The following PARVB variants were observed in gnomAD, a reference collection of about 807,000 sequenced individuals.
The protein encoded by PARVB is parvin beta.
A neutral mutation model predicts 47.0 loss-of-function variants in PARVB; 46 were observed. The observed-to-expected ratio is 0.98, with a 90% CI of 0.77 to 1.25. The LOEUF is 1.25. Among genes scored for constraint, PARVB ranks in the 50% most tolerant of loss-of-function variants. The pLI is 0.00. For missense variants in PARVB, 473 were observed against 471.6 expected (o/e 1.00, Z -0.03); for synonymous variants, 196 against 196.3 (o/e 1.00, Z 0.01).
intron 12 of PARVB, among the ~76,000 whole-genome samples, chr22:44,167,111 T>TG (rs1457340474): frequency 6.6e-6 from 1 of 152,134 alleles, no homozygotes; most frequent in African/African-American, 2.4e-5. Context: ...CCCCCAGCAA[T>TG]GATGGGCATC....
chr22:44,106,173 C>T (rs1415989223), intron 3 of PARVB: 1 of 143,494 alleles, frequency 7.0e-6, no homozygotes, highest in Non-Finnish European at 1.5e-5. Context: ...TTTGCTCTAC[C>T]CCAAACCTGT....
chr22:44,161,841 C>A (rs1247542081), intron 11 of PARVB, among the ~76,000 whole-genome samples: 2 of 152,218 alleles, frequency 1.3e-5, no homozygotes, highest in African/African-American at 4.8e-5. Flanking sequence ...CACTCCTCCC[C>A]CATTGCCAGT....
intron 2 of PARVB, among the ~76,000 whole-genome samples, chr22:44,011,559 A>C (rs2050523598): frequency 6.6e-6 from 1 of 152,138 alleles, no homozygotes; most frequent in Non-Finnish European, 1.5e-5. Context: ...TGGGAGGCAG[A>C]GGTTGCAGTG....
chr22:44,024,547 C>G (rs949169314), intron 1 of PARVB, 96 bp downstream of exon 1: 67 of 472,218 alleles, frequency 1.4e-4, no homozygotes, highest in African/African-American at 1.3e-3. Context: ...CGCCCTCCCC[C>G]ACGCACCCCG....
At chr22:44,122,863 C>T (rs1457192789) in intron 4 of PARVB, among the ~76,000 whole-genome samples, 1 of 152,218 alleles carries the variant, frequency 6.6e-6, no homozygotes, top group Non-Finnish European at 1.5e-5. Flanking sequence ...TTGTACTCCA[C>T]TGTGTGGATG....
intron 1 of PARVB, among the ~76,000 whole-genome samples, chr22:44,073,410 C>T (rs1183010527): frequency 2.0e-5 from 3 of 152,222 alleles, no homozygotes; most frequent in East Asian, 3.9e-4. Context: ...AGGAGAATCA[C>T]TTGAACCCAG....
chr22:44,157,569 A>T (rs978088688), intron 10 of PARVB, among the ~76,000 whole-genome samples: 15 of 152,008 alleles, frequency 9.9e-5, no homozygotes, highest in African/African-American at 3.4e-4. Flanking sequence ...GAGAGGAGGG[A>T]TGGATTGCTT....
intron 1 of PARVB, among the ~76,000 whole-genome samples, chr22:44,071,278 C>T (rs1299399849): frequency 6.6e-6 from 1 of 152,242 alleles, no homozygotes; most frequent in African/African-American, 2.4e-5. Context: ...GACCTGTGAA[C>T]GTCTAAACTG....
At chr22:44,160,624 A>G (rs1813896219) in intron 11 of PARVB, among the ~76,000 whole-genome samples, 1 of 152,172 alleles carries the variant, frequency 6.6e-6, no homozygotes, top group African/African-American at 2.4e-5. Flanking sequence ...TCTGCCTGGC[A>G]TGAAAGAGGG....
chr22:44,027,914 C>CATATATATATATAT (rs3083338), intron 1 of PARVB, among the ~76,000 whole-genome samples: 161 of 133,218 alleles, frequency 1.2e-3, no homozygotes, highest in African/African-American at 3.7e-3. Flanking sequence ...AAAAAAAAAC[C>CATATATATATATAT]ATATATATAT....
intron 8 of PARVB, 38 bp from the exon 9 acceptor site, chr22:44,147,823 A>T: frequency 6.2e-7 from 1 of 1,600,854 alleles, no homozygotes; most frequent in Non-Finnish European, 8.6e-7. Context: ...ACGGGTTTCC[A>T]TAAACGCTCC....
intron 1 of PARVB, among the ~76,000 whole-genome samples, chr22:44,071,594 A>G (rs1475711447): frequency 6.6e-6 from 1 of 152,030 alleles, no homozygotes; most frequent in Non-Finnish European, 1.5e-5. Flanking sequence ...CCTCCCAGCC[A>G]CCACCTATGC....
At chr22:44,043,713 G>A (rs1258979510) in intron 1 of PARVB, among the ~76,000 whole-genome samples, 2 of 152,122 alleles carry the variant, frequency 1.3e-5, no homozygotes, top group Non-Finnish European at 2.9e-5. Context: ...TGTATGGAAT[G>A]TGAATTCTGT....
At chr22:44,166,116 C>T (rs1020998856) in intron 12 of PARVB, among the ~76,000 whole-genome samples, 46 of 151,770 alleles carry the variant, frequency 3.0e-4, no homozygotes, top group Non-Finnish European at 6.2e-4. Context: ...GAACCCACGA[C>T]TTTTTTTTTC....
At chr22:44,135,598 G>A (rs888494875) in intron 6 of PARVB, among the ~76,000 whole-genome samples, 1 of 152,156 alleles carries the variant, frequency 6.6e-6, no homozygotes, top group Non-Finnish European at 1.5e-5. Flanking sequence ...GGAGAAGTGT[G>A]ACATATACTG....
intron 3 of PARVB, chr22:44,105,964 G>A (rs1349453606): frequency 6.6e-6 from 1 of 152,194 alleles, no homozygotes; most frequent in South Asian, 2.1e-4. Flanking sequence ...AAGTAAATGG[G>A]ATTATAGGTA....
At chr22:44,134,620 C>T (rs1007851823) in intron 6 of PARVB, among the ~76,000 whole-genome samples, 11 of 152,126 alleles carry the variant, frequency 7.2e-5, no homozygotes, top group South Asian at 4.1e-4. Flanking sequence ...GTGAACCGGG[C>T]GCAGTTACTC....
In PARVB at chr22:44,168,797, T is replaced by A; in HGVS notation, c.*119T>A. On this transcript the variant is annotated 3_prime_UTR_variant, in exon 13 of 13. Transcript: ENST00000338758. ...CTTCTGGTCCAAGCTGTGTTGACTG[T>A]CATCCCCACCCCACCCCTACCTCAC... 1 of 680,538 alleles carries A rather than the reference T, an allele frequency of 1.5e-6. No homozygotes were observed. The highest frequency in any genetic ancestry group is 2.6e-6 in the Non-Finnish European group (1 of 378,436). The allele number at this position is 680,538 out of a possible 1,614,324, so 42.2% of individuals were successfully genotyped here.
intron 2 of PARVB, among the ~76,000 whole-genome samples, chr22:44,012,856 G>T (rs1404548388): frequency 3.3e-5 from 5 of 151,590 alleles, no homozygotes; most frequent in Non-Finnish European, 7.4e-5. Flanking sequence ...TTCTATTAAA[G>T]AGAAGTGAAA....
Sources: allele counts gnomAD v4.1 joint callset (sites outside exome capture counted in the v4.1 genomes callset), GRCh38; gene constraint gnomAD v4.1.1; transcripts MANE v1.5; gene names NCBI Gene and HGNC (gene_info 2026-07-23, HGNC 2026-07-21).